CARD8: variants seen among roughly 807,000 people sequenced by gnomAD.
CARD8 encodes caspase recruitment domain-containing protein 8.
Under a neutral mutation model 53.2 loss-of-function variants are expected in CARD8, and 38 were observed. The observed-to-expected ratio is 0.71, with a 90% CI of 0.55 to 0.94. The LOEUF is 0.94. Ranked by LOEUF, CARD8 falls within the 40% of genes least tolerant of loss-of-function variation. The pLI is 0.00. For synonymous variants in CARD8, 245 were observed against 244.9 expected (o/e 1.00, Z 0.00); for missense variants, 561 against 655.5 (o/e 0.86, Z 1.57).
chr19:48,217,991 A>G (rs77955899), intron 12 of CARD8, among the ~76,000 whole-genome samples: 3,291 of 152,306 alleles, frequency 0.022, 51 homozygotes, highest in Non-Finnish European at 0.033. Flanking sequence ...GTGGAACTAA[A>G]TAGTCCTTAT....
chr19:48,232,245 C>T (rs1197566161), intron 7 of CARD8: 5 of 610,842 alleles, frequency 8.2e-6, no homozygotes, highest in Non-Finnish European at 1.4e-5. Context: ...GCCACCAGGA[C>T]CACCCACTGA....
Position 48,210,750 on chromosome 19 carries a change from T to C in CARD8, c.*960A>G, listed in dbSNP as rs1374258860. 6.6e-6 allele frequency: 1 copy of C among 152,068 alleles called. No individual in the cohort carries two copies. The highest frequency in any genetic ancestry group is 1.5e-5 in the Non-Finnish European group (1 of 67,978). 9.4% of individuals were successfully genotyped at this position (152,068 alleles called of 1,614,324 possible). A position where few individuals can be genotyped will look rare whatever the true frequency, so the allele number is the denominator to read the frequency against. ...AGTTAAAAGAGACTATCAGAATGGG[T>C]TCAAAATACACCATAAAAAAAACTG... is the stretch of plus-strand genomic sequence containing the variant. On this transcript the variant is annotated 3_prime_UTR_variant, in exon 14 of 14. Coordinates refer to ENST00000651546, the MANE Select transcript of CARD8 (RefSeq NM_001184900.3).
intron 11 of CARD8, among the ~76,000 whole-genome samples, chr19:48,221,286 T>A (rs904760223): frequency 6.6e-6 from 1 of 152,212 alleles, no homozygotes; most frequent in African/African-American, 2.4e-5. Context: ...GCATATCATG[T>A]CCCAGTAAAT....
At chr19:48,206,946 T>C (rs2037371062), downstream of CARD8, among the ~76,000 whole-genome samples, 1 of 152,082 alleles carries the variant, frequency 6.6e-6, no homozygotes, top group Admixed American at 6.5e-5. Flanking sequence ...ACCTTATCTC[T>C]TAGCGATTGC....
At chr19:48,239,062 C>T (rs1339463176) in intron 4 of CARD8, among the ~76,000 whole-genome samples, 2 of 152,166 alleles carry the variant, frequency 1.3e-5, no homozygotes, top group African/African-American at 2.4e-5. Flanking sequence ...ATAACAAGGG[C>T]CCCACTCTTC....
rs368692361 is a variant in CARD8, at chr19:48,209,291, T to G, written c.*2419A>C. 6.6e-6 allele frequency: 1 copy of G among 151,676 alleles called. No individual in the cohort carries two copies. The highest frequency in any genetic ancestry group is 1.9e-4 in the East Asian group (1 of 5,168). The allele number at this position is 151,676 out of a possible 1,614,324, so 9.4% of individuals were successfully genotyped here. A position where few individuals can be genotyped will look rare whatever the true frequency, so the allele number is the denominator to read the frequency against. ...AGCCTGGGTAACAGAGTTGAGACCC[T>G]GTCTTGAAAAAAAAAAAGCTCAAAC... On this transcript the variant is annotated 3_prime_UTR_variant, in exon 14 of 14. Transcript: ENST00000651546.
chr19:48,230,240 A>G (rs1224602682), intron 10 of CARD8, among the ~76,000 whole-genome samples, 198 bp downstream of exon 10: 1 of 152,204 alleles, frequency 6.6e-6, no homozygotes, highest in Non-Finnish European at 1.5e-5. Flanking sequence ...GTAGCACTGA[A>G]TCACTACTGA....
At chr19:48,206,809 C>T (rs1221717870), downstream of CARD8, among the ~76,000 whole-genome samples, 1 of 152,150 alleles carries the variant, frequency 6.6e-6, no homozygotes, top group Non-Finnish European at 1.5e-5. Context: ...GTTCCACACA[C>T]CAAGAACCCT....
intron 6 of CARD8, 117 bp downstream of exon 6, chr19:48,234,286 C>T: frequency 2.0e-6 from 2 of 1,020,214 alleles, no homozygotes; most frequent in Non-Finnish European, 1.4e-6. Flanking sequence ...ATTGCATAAG[C>T]TCATTCATTC....
chr19:48,250,051 C>G (rs1183131858), intron 1 of CARD8, among the ~76,000 whole-genome samples: 1 of 152,118 alleles, frequency 6.6e-6, no homozygotes, highest in Non-Finnish European at 1.5e-5. Flanking sequence ...AATTTTTATA[C>G]CAATGTTTGT....
intron 10 of CARD8, chr19:48,223,783 T>C (rs2041179771): frequency 6.6e-6 from 3 of 453,434 alleles, no homozygotes; most frequent in Admixed American, 4.8e-5. Flanking sequence ...CATATATTTT[T>C]CCTATAGCAT....
At chr19:48,224,564 T>C (rs1384387960) in intron 10 of CARD8, among the ~76,000 whole-genome samples, 5 of 152,152 alleles carry the variant, frequency 3.3e-5, no homozygotes, top group African/African-American at 1.2e-4. Context: ...TGTGCTGCTC[T>C]TGAAATAGGG....
At chr19:48,234,881 T>C (rs1338947595) in intron 5 of CARD8, among the ~76,000 whole-genome samples, 1 of 152,196 alleles carries the variant, frequency 6.6e-6, no homozygotes, top group Non-Finnish European at 1.5e-5. Context: ...ATAACCTTGC[T>C]AAGAATTTTA....
chr19:48,246,769 A>G (rs1005589910), intron 3 of CARD8, among the ~76,000 whole-genome samples: 3 of 152,184 alleles, frequency 2.0e-5, no homozygotes, highest in East Asian at 1.9e-4. Flanking sequence ...TTTTTTCTCC[A>G]TGAATTTGGA....
chr19:48,227,829 A>C (rs1408084038), intron 10 of CARD8, among the ~76,000 whole-genome samples: 1 of 152,036 alleles, frequency 6.6e-6, no homozygotes, highest in Non-Finnish European at 1.5e-5. Context: ...AAAGAAAAGA[A>C]AAGTCACAGG....
At chr19:48,225,977 T>C (rs143587756) in intron 10 of CARD8, among the ~76,000 whole-genome samples, 6,005 of 140,628 alleles carry the variant, frequency 0.043, 384 homozygotes, top group African/African-American at 0.14. Flanking sequence ...TGTTTGAACC[T>C]GGGAGACGGA....
chr19:48,227,945 A>G (rs2042118185), intron 10 of CARD8, among the ~76,000 whole-genome samples: 1 of 151,052 alleles, frequency 6.6e-6, no homozygotes, highest in African/African-American at 2.5e-5. Flanking sequence ...CGGGCTGCAC[A>G]GCAGGAGAGG....
In CARD8 at chr19:48,243,573, CTT is replaced by C. The variant is rs1300765225; in HGVS notation, c.-43-2512_-43-2511del. On this transcript the variant is annotated intron_variant, in intron 3 of 13. Coordinates refer to ENST00000651546, the MANE Select transcript of CARD8 (RefSeq NM_001184900.3). ...CTATCCTCTGAACTACAAGCTTTTC[CTT>C]TGTTATAACGAACACTTTTCTTTTA... is the stretch of plus-strand genomic sequence containing the variant. Among the ~76,000 whole-genome samples, 5 of 152,280 alleles carry C rather than the reference CTT, an allele frequency of 3.3e-5. No homozygotes were observed. The East Asian group carries it at 9.6e-4, about 29-fold the overall frequency.
intron 10 of CARD8, among the ~76,000 whole-genome samples, chr19:48,224,433 A>G (rs943826098): frequency 3.9e-5 from 6 of 151,926 alleles, no homozygotes; most frequent in Non-Finnish European, 8.8e-5. Flanking sequence ...ATGTGTATTA[A>G]TATGTGTATT....
Sources: gnomAD v4.1 joint callset for allele counts (sites outside exome capture counted in the v4.1 genomes callset) on GRCh38, gnomAD v4.1.1 for gene constraint, MANE v1.5 for transcripts, NCBI Gene and HGNC (gene_info 2026-07-23, HGNC 2026-07-21) for gene names.